The following ADGRL2 variants were observed in gnomAD, a reference collection of about 807,000 sequenced individuals.
ADGRL2 encodes adhesion G protein-coupled receptor L2, also known as calcium-independent alpha-latrotoxin receptor 2.
A neutral mutation model predicts 157.4 loss-of-function variants in ADGRL2; 44 were observed. That is an observed-to-expected ratio of 0.28 (90% CI 0.22 to 0.36). The LOEUF (loss-of-function observed/expected upper bound fraction) is 0.36, where lower values mean the gene tolerates loss of function less well. ADGRL2 is among the 10% of genes least tolerant of loss of function. ADGRL2 has a pLI of 1.00. For missense variants in ADGRL2, 1,510 were observed against 1,768.9 expected (o/e 0.85, Z 2.63); for synonymous variants, 585 against 624.7 (o/e 0.94, Z 0.95).
At chr1:81,858,915 A>G (rs2093299451) in intron 2 of ADGRL2, among the ~76,000 whole-genome samples, 1 of 152,146 alleles carries the variant, frequency 6.6e-6, no homozygotes, top group African/African-American at 2.4e-5. Flanking sequence ...GCATGTTAAC[A>G]TGCCATTTTA....
chr1:81,949,338 G>C (rs1180362653), intron 6 of ADGRL2, among the ~76,000 whole-genome samples: 1 of 152,176 alleles, frequency 6.6e-6, no homozygotes, highest in African/African-American at 2.4e-5. Flanking sequence ...CTTAAACCTA[G>C]TGGATTTAAC....
intron 2 of ADGRL2, among the ~76,000 whole-genome samples, chr1:81,469,218 A>G (rs1040884504): frequency 6.6e-6 from 1 of 152,190 alleles, no homozygotes; most frequent in Admixed American, 6.5e-5. Context: ...ATATCCAGCA[A>G]AATTTGAGAA....
chr1:81,976,767 T>G (rs2149393201), intron 17 of ADGRL2, among the ~76,000 whole-genome samples: 1 of 151,982 alleles, frequency 6.6e-6, no homozygotes, highest in East Asian at 1.9e-4. Context: ...AATTGCTGAT[T>G]GTGGGATGCT....
At chr1:81,733,317 G>A (rs888245023) in intron 1 of ADGRL2, among the ~76,000 whole-genome samples, 1 of 152,192 alleles carries the variant, frequency 6.6e-6, no homozygotes. Flanking sequence ...AAATACTATA[G>A]ACTGGGTGGC....
At chr1:81,725,311 G>C (rs1304970944) in intron 1 of ADGRL2, among the ~76,000 whole-genome samples, 1 of 148,286 alleles carries the variant, frequency 6.7e-6, no homozygotes, top group African/African-American at 2.5e-5. Context: ...AGGCCGAAGC[G>C]GGCAGATCAC....
intron 3 of ADGRL2, among the ~76,000 whole-genome samples, chr1:81,919,240 ATTT>A (rs1209201757): frequency 5.3e-5 from 8 of 152,248 alleles, no homozygotes; most frequent in African/African-American, 1.9e-4. Context: ...ACATTTATTT[ATTT>A]AGTAAAAGCT....
intron 2 of ADGRL2, among the ~76,000 whole-genome samples, chr1:81,900,908 T>A (rs544137896): frequency 6.6e-6 from 1 of 152,054 alleles, no homozygotes; most frequent in East Asian, 1.9e-4. Context: ...GAGCCGAGGC[T>A]AAAAAATAAA....
At chr1:81,445,132 T>C (rs2077575964) in intron 2 of ADGRL2, 1 of 152,224 alleles carries the variant, frequency 6.6e-6, no homozygotes, top group South Asian at 2.1e-4. Context: ...GCTTCAATTA[T>C]GATATGAATT....
At chr1:81,556,462 G>A (rs1361618572) in intron 2 of ADGRL2, among the ~76,000 whole-genome samples, 5 of 151,674 alleles carry the variant, frequency 3.3e-5, no homozygotes, top group Non-Finnish European at 7.4e-5. Context: ...ACAGGCGTGA[G>A]CCACAGAGCC....
intron 1 of ADGRL2, among the ~76,000 whole-genome samples, chr1:81,386,070 A>T (rs915119673): frequency 6.6e-6 from 1 of 152,116 alleles, no homozygotes; most frequent in Non-Finnish European, 1.5e-5. Context: ...AGCGCAATCT[A>T]TTAGGTTTCA....
chr1:81,938,683 A>C lies in ADGRL2; in HGVS notation c.397+1846A>C, dbSNP rs956577793. Among the ~76,000 whole-genome samples, 5 of 151,678 alleles carry C rather than the reference A, an allele frequency of 3.3e-5. No homozygotes were observed. In the Admixed American group the frequency reaches 3.3e-4, roughly 10 times the overall value. On this transcript the variant is annotated intron_variant, in intron 4 of 23. Coordinates refer to ENST00000686636, the MANE Select transcript of ADGRL2 (RefSeq NM_001366006.2). ...GTTTTTTTTAATCACTCTTTGCTAA[A>C]GAATAAAAGTAATTATAATTCCTAT...
chr1:81,646,588 TATTA>T (rs1317767335), intron 3 of ADGRL2, among the ~76,000 whole-genome samples: 1 of 152,206 alleles, frequency 6.6e-6, no homozygotes, highest in African/African-American at 2.4e-5. Context: ...AATTCATTCA[TATTA>T]ATTAACAGGA....
intron 4 of ADGRL2, among the ~76,000 whole-genome samples, chr1:81,939,444 A>G (rs1647188909): frequency 6.6e-6 from 1 of 151,564 alleles, no homozygotes; most frequent in Non-Finnish European, 1.5e-5. Context: ...TCAAAGTATC[A>G]TTGTAAAACT....
At chr1:81,504,178 C>CG (rs1278984665) in intron 2 of ADGRL2, among the ~76,000 whole-genome samples, 1 of 152,174 alleles carries the variant, frequency 6.6e-6, no homozygotes, top group Non-Finnish European at 1.5e-5. Flanking sequence ...CTGCTTCACA[C>CG]GGACCATTCT....
At chr1:81,942,807 A>C (rs1235287152) in intron 5 of ADGRL2, 162 bp from the exon 6 acceptor site, 1 of 691,130 alleles carries the variant, frequency 1.4e-6, no homozygotes, top group African/African-American at 1.8e-5. Flanking sequence ...TGATTATGCT[A>C]ACTTTAGAAA....
At chr1:81,745,879 T>C (rs2085230027) in intron 1 of ADGRL2, among the ~76,000 whole-genome samples, 1 of 152,116 alleles carries the variant, frequency 6.6e-6, no homozygotes, top group African/African-American at 2.4e-5. Flanking sequence ...TAAATACTCT[T>C]GTGATTTTGT....
At chr1:81,599,234 G>A (rs983866523) in intron 3 of ADGRL2, among the ~76,000 whole-genome samples, 6 of 152,114 alleles carry the variant, frequency 3.9e-5, no homozygotes, top group Admixed American at 3.9e-4. Context: ...TTGGGAAAAG[G>A]ATACCTACAC....
At chr1:81,889,284 A>G (rs1317880422) in intron 2 of ADGRL2, among the ~76,000 whole-genome samples, 1 of 152,248 alleles carries the variant, frequency 6.6e-6, no homozygotes, top group Non-Finnish European at 1.5e-5. Context: ...CGTGAATGCA[A>G]GGAAAAAGTT....
chr1:81,678,338 A>C (rs1454227371), intron 3 of ADGRL2, among the ~76,000 whole-genome samples: 1 of 152,202 alleles, frequency 6.6e-6, no homozygotes, highest in Non-Finnish European at 1.5e-5. Flanking sequence ...CAAATTTGAA[A>C]GTGGCCTTTT....
Sources: gnomAD v4.1 joint callset for allele counts (sites outside exome capture counted in the v4.1 genomes callset) on GRCh38, gnomAD v4.1.1 for gene constraint, MANE v1.5 for transcripts, NCBI Gene and HGNC (gene_info 2026-07-23, HGNC 2026-07-21) for gene names.